ATP6V1C2: variants seen among roughly 807,000 people sequenced by gnomAD.
ATP6V1C2 encodes the protein V-type proton ATPase subunit C 2.
A neutral mutation model predicts 56.8 loss-of-function variants in ATP6V1C2; 45 were observed. That is an observed-to-expected ratio of 0.79 (90% CI 0.62 to 1.02). The LOEUF is 1.02. ATP6V1C2 is among the 50% of genes least tolerant of loss of function. The pLI, the probability that ATP6V1C2 is intolerant of heterozygous loss-of-function variation, is 0.00. For missense variants in ATP6V1C2, 463 were observed against 519.7 expected (o/e 0.89, Z 1.06); for synonymous variants, 220 against 201.3 (o/e 1.09, Z -0.79).
intron 3 of ATP6V1C2, among the ~76,000 whole-genome samples, chr2:10,732,710 C>T (rs1363515826): frequency 2.0e-5 from 3 of 152,096 alleles, no homozygotes; most frequent in African/African-American, 4.8e-5. Flanking sequence ...CGGTGGCTCA[C>T]GCCTGTAATC....
upstream of ATP6V1C2, among the ~76,000 whole-genome samples, chr2:10,721,425 C>G (rs1338035184): frequency 6.6e-6 from 1 of 152,122 alleles, no homozygotes; most frequent in African/African-American, 2.4e-5. Flanking sequence ...CAGAAGCCCC[C>G]AGGGCCCCGG....
At chr2:10,729,273 C>G (rs1249209836) in intron 3 of ATP6V1C2, among the ~76,000 whole-genome samples, 1 of 151,224 alleles carries the variant, frequency 6.6e-6, no homozygotes, top group Non-Finnish European at 1.5e-5. Flanking sequence ...GAAGCAATCT[C>G]CTGCCTCAAC....
rs1449910834 is a variant in ATP6V1C2 at position 10,778,586 on chromosome 2, C to G, written c.978C>G (p.Arg326=). ...SEGEGEGPLL[R]WLKVNFSEAF... Reference sequence around the variant, plus strand: ...TGTCTTTGCAGGGCCCCCTGCTGCGCTGGCTCAAGGTGAACTTCAGTGAAG... The same window carrying G: ...TGTCTTTGCAGGGCCCCCTGCTGCGGTGGCTCAAGGTGAACTTCAGTGAAG... Residue 326 remains arginine, a synonymous_variant, in exon 12 of 14, where the codon CGC becomes CGG. Coordinates refer to ENST00000272238, the MANE Select transcript of ATP6V1C2 (RefSeq NM_001039362.2). 6.2e-7 allele frequency: 1 copy of G among 1,614,226 alleles called. No individual in the cohort carries two copies. The highest frequency in any genetic ancestry group is 1.3e-5 in the African/African-American group (1 of 75,074).
chr2:10,746,918 G>A (rs1454434332), intron 3 of ATP6V1C2, among the ~76,000 whole-genome samples: 1 of 152,088 alleles, frequency 6.6e-6, no homozygotes, highest in Non-Finnish European at 1.5e-5. Flanking sequence ...TGCTTTACAT[G>A]CCTAAATGCT....
At chr2:10,736,161 C>A (rs2148424244) in intron 3 of ATP6V1C2, among the ~76,000 whole-genome samples, 1 of 148,944 alleles carries the variant, frequency 6.7e-6, no homozygotes, top group African/African-American at 2.6e-5. Flanking sequence ...ACCTGCATTT[C>A]TACGAGTTCC....
At chr2:10,754,312 G>A (rs1050341220) in intron 4 of ATP6V1C2, among the ~76,000 whole-genome samples, 27 of 152,020 alleles carry the variant, frequency 1.8e-4, no homozygotes, top group African/African-American at 6.0e-4. Flanking sequence ...TGCAACCTCC[G>A]CCGCCCGGGT....
chr2:10,746,320 C>A lies in ATP6V1C2; in HGVS notation c.198-7661C>A, dbSNP rs10929697. Among the ~76,000 whole-genome samples the A allele has an allele frequency of 4.0e-3, 601 of 151,856 alleles. 2 individuals carry two copies. Among genetic ancestry groups the A allele is most frequent in the African/African-American group, 0.013 (536 of 41,438 alleles). ...CAGCCTTGGCTATTGTTAATAATGC[C>A]GCTATGTTTATTTTTATTAGTTATT... is the stretch of plus-strand genomic sequence containing the variant. On this transcript the variant is annotated intron_variant, in intron 3 of 13. Coordinates refer to ENST00000272238, the MANE Select transcript of ATP6V1C2 (RefSeq NM_001039362.2).
At chr2:10,723,192 G>A (rs1196267825) in intron 2 of ATP6V1C2, among the ~76,000 whole-genome samples, 2 of 152,168 alleles carry the variant, frequency 1.3e-5, no homozygotes, top group African/African-American at 4.8e-5. Context: ...CTATGTAGAT[G>A]CAGCCACAGG....
At position 10,783,423 on chromosome 2, in the gene ATP6V1C2, C is replaced by A. The variant is rs753318318; in HGVS notation, c.*160C>A. On this transcript the variant is annotated 3_prime_UTR_variant, in exon 14 of 14. Coordinates refer to ENST00000272238, the MANE Select transcript of ATP6V1C2 (RefSeq NM_001039362.2). ...CAGTTGTATTTATTTTTTTAAGTTA[C>A]AATAAAATGCTCTCAAGTCCTTTGA... The A allele has an allele frequency of 5.8e-4, 295 of 512,090 alleles. 1 individual carries two copies. The highest frequency in any genetic ancestry group is 7.9e-5 in the Non-Finnish European group (23 of 290,144). 31.7% of individuals were successfully genotyped at this position (512,090 alleles called of 1,614,324 possible).
At position 10,723,009 on chromosome 2, in the gene ATP6V1C2, A is replaced by T. The variant is rs144221363; in HGVS notation, c.129+31A>T. The T allele has an allele frequency of 2.5e-6, 4 of 1,612,920 alleles. No homozygotes were observed. In the South Asian group the frequency reaches 3.3e-5, roughly 13 times the overall value. On this transcript the variant is annotated intron_variant, in intron 2 of 13. Coordinates refer to ENST00000272238, the MANE Select transcript of ATP6V1C2 (RefSeq NM_001039362.2). Reference sequence around the variant, plus strand: ...ATTCTTGGGGAGGAGTGAAAAAGGGATGGATTGGTCAGGGGGAGACAGGAG... The same window carrying T: ...ATTCTTGGGGAGGAGTGAAAAAGGGTTGGATTGGTCAGGGGGAGACAGGAG...
In ATP6V1C2 at chr2:10,779,687, G is replaced by GGA. The variant is rs1553335396; in HGVS notation, c.1061+1018_1061+1019insGA. On this transcript the variant is annotated intron_variant, in intron 12 of 13. Coordinates refer to ENST00000272238, the MANE Select transcript of ATP6V1C2 (RefSeq NM_001039362.2). ...GGCAACAAGAGAAACTCCGGCTATAGAAAAAAAAAAAAAAAAAAAACTTCA... is the reference window on the plus strand; with the variant it reads ...GGCAACAAGAGAAACTCCGGCTATAGGAAAAAAAAAAAAAAAAAAAAACTTCA... Among the ~76,000 whole-genome samples, 510 of 52,102 alleles carry GGA rather than the reference G, an allele frequency of 9.8e-3. 7 individuals are homozygous for GGA. The highest frequency in any genetic ancestry group is 0.037 in the African/African-American group (461 of 12,332). The allele number at this position is 52,102 out of a possible 152,430, so 34.2% of individuals were successfully genotyped here.
chr2:10,781,977 C>T (rs912364286), intron 12 of ATP6V1C2, among the ~76,000 whole-genome samples: 1 of 152,220 alleles, frequency 6.6e-6, no homozygotes, highest in African/African-American at 2.4e-5. Flanking sequence ...CTTGAGCATG[C>T]ACCGTGGAAT....
chr2:10,776,277 G>C (rs550009351), intron 10 of ATP6V1C2, among the ~76,000 whole-genome samples: 4,315 of 146,768 alleles, frequency 0.029, 114 homozygotes, highest in African/African-American at 0.064. Flanking sequence ...GTGTGTGTGT[G>C]TGTGCGCGCG....
At chr2:10,772,442 T>A in intron 7 of ATP6V1C2, 100 bp from the exon 8 acceptor site, 1 of 1,008,960 alleles carries the variant, frequency 9.9e-7, no homozygotes, top group Non-Finnish European at 1.6e-6. Context: ...CCTGCTCACC[T>A]TCAGGCCTTC....
At chr2:10,760,935 G>GT (rs1468233558) in intron 4 of ATP6V1C2, among the ~76,000 whole-genome samples, 2 of 152,214 alleles carry the variant, frequency 1.3e-5, no homozygotes, top group African/African-American at 4.8e-5. Flanking sequence ...ATGGTTGCCG[G>GT]CGGGGGTCTG....
At chr2:10,758,404 G>GTGCC (rs1383444699) in intron 4 of ATP6V1C2, among the ~76,000 whole-genome samples, 2 of 152,116 alleles carry the variant, frequency 1.3e-5, no homozygotes, top group African/African-American at 2.4e-5. Flanking sequence ...TATGACCTCT[G>GTGCC]TGCCTCCCGT....
intron 12 of ATP6V1C2, among the ~76,000 whole-genome samples, chr2:10,779,687 G>GAAAAAAA (rs555256673): frequency 1.9e-5 from 1 of 52,100 alleles, no homozygotes; most frequent in Non-Finnish European, 3.7e-5. Flanking sequence ...TCCGGCTATA[G>GAAAAAAA]AAAAAAAAAA....
chr2:10,779,288 G>A (rs1389061030), intron 12 of ATP6V1C2, among the ~76,000 whole-genome samples: 3 of 150,960 alleles, frequency 2.0e-5, no homozygotes, highest in African/African-American at 7.3e-5. Context: ...TATATTTTTA[G>A]TAGAGGCGGG....
chr2:10,760,030 GTTTTTT>G (rs34096158), intron 4 of ATP6V1C2, among the ~76,000 whole-genome samples: 4 of 133,844 alleles, frequency 3.0e-5, no homozygotes, highest in East Asian at 4.2e-4. Flanking sequence ...TTTGTTTTTT[GTTTTTT>G]TTTTTTTTGC....
Sources: allele counts gnomAD v4.1 joint callset (sites outside exome capture counted in the v4.1 genomes callset), GRCh38; gene constraint gnomAD v4.1.1; transcripts MANE v1.5; gene names NCBI Gene and HGNC (gene_info 2026-07-23, HGNC 2026-07-21).